TP63: variants seen among roughly 807,000 people sequenced by gnomAD.
TP63 encodes the protein tumor protein p63, also known as tumor protein 63.
Under a neutral mutation model 82.8 loss-of-function variants are expected in TP63, and 17 were observed. The observed-to-expected ratio is 0.21, with a 90% CI of 0.14 to 0.31. The LOEUF is 0.31. TP63 is among the 10% of genes least tolerant of loss of function. The pLI is 1.00. For missense variants in TP63, 648 were observed against 895.3 expected (o/e 0.72, Z 3.52); for synonymous variants, 330 against 321.7 (o/e 1.03, Z -0.28).
intron 3 of TP63, among the ~76,000 whole-genome samples, chr3:189,747,012 A>C (rs1050870234): frequency 2.0e-5 from 3 of 151,824 alleles, no homozygotes; most frequent in Non-Finnish European, 4.4e-5. Flanking sequence ...AACAAAGGTC[A>C]TTATGTAATA....
intron 1 of TP63, among the ~76,000 whole-genome samples, chr3:189,727,388 A>G (rs1192258975): frequency 6.6e-6 from 1 of 152,162 alleles, no homozygotes; most frequent in Admixed American, 6.5e-5. Flanking sequence ...CCTTTCCTCA[A>G]TTTTTAAATC....
intron 3 of TP63, among the ~76,000 whole-genome samples, chr3:189,772,294 T>A (rs1028329921): frequency 1.5e-4 from 23 of 152,214 alleles, no homozygotes; most frequent in African/African-American, 5.1e-4. Flanking sequence ...TCTTTACCAA[T>A]AAGGACACTG....
intron 1 of TP63, among the ~76,000 whole-genome samples, chr3:189,658,295 A>G (rs1401077780): frequency 1.3e-5 from 2 of 152,108 alleles, no homozygotes; most frequent in African/African-American, 4.8e-5. Flanking sequence ...AAATTAATAT[A>G]GGAGAATAGA....
chr3:189,667,586 A>C (rs760618750), intron 1 of TP63, among the ~76,000 whole-genome samples: 1 of 152,070 alleles, frequency 6.6e-6, no homozygotes, highest in African/African-American at 2.4e-5. Context: ...GCTATGGGAT[A>C]ATCTTTACAA....
chr3:189,711,170 C>T (rs781265703), intron 1 of TP63, among the ~76,000 whole-genome samples: 15 of 152,112 alleles, frequency 9.9e-5, no homozygotes, highest in Non-Finnish European at 1.5e-4. Context: ...GAGCCAGGAA[C>T]CATTACTTAA....
intron 4 of TP63, among the ~76,000 whole-genome samples, chr3:189,851,019 T>TAA (rs1377566727): frequency 3.3e-5 from 5 of 152,246 alleles, no homozygotes; most frequent in Non-Finnish European, 7.3e-5. Flanking sequence ...TAAGCTATGT[T>TAA]AAACACTTTA....
At chr3:189,598,906 G>T in the TP63 span, among the ~76,000 whole-genome samples, 1 of 152,214 alleles carries the variant, frequency 6.6e-6, no homozygotes, top group Non-Finnish European at 1.5e-5. Context: ...TTGGAGAATA[G>T]CAAGTGGAAG....
intron 4 of TP63, among the ~76,000 whole-genome samples, chr3:189,847,927 G>C (rs1715098103): frequency 6.6e-6 from 1 of 152,070 alleles, no homozygotes; most frequent in South Asian, 2.1e-4. Context: ...CTTTACACTT[G>C]ATTGTCTAAT....
chr3:189,695,828 T>C (rs1423718885), intron 1 of TP63, among the ~76,000 whole-genome samples: 2 of 152,224 alleles, frequency 1.3e-5, no homozygotes, highest in Admixed American at 1.3e-4. Context: ...AAATGTAGCC[T>C]GTGGAAAATA....
rs758379211 is a variant in TP63 at position 189,894,552 on chromosome 3, A to G, written c.*50A>G. ...TCCCTCTCCTAACTGCCAGCCCCCTAAAAGCACTCCTGCTTAATCTTCAAA... is the reference window on the plus strand; with the variant it reads ...TCCCTCTCCTAACTGCCAGCCCCCTGAAAGCACTCCTGCTTAATCTTCAAA... On this transcript the variant is annotated 3_prime_UTR_variant, in exon 14 of 14. Coordinates refer to ENST00000264731, the MANE Select transcript of TP63 (RefSeq NM_003722.5). 2.5e-5 allele frequency: 40 copies of G among 1,602,778 alleles called. 1 individual carries two copies. The highest frequency in any genetic ancestry group is 5.0e-5 in the Admixed American group (3 of 59,690).
chr3:189,847,128 C>T (rs1373162582), intron 4 of TP63, among the ~76,000 whole-genome samples: 22 of 150,546 alleles, frequency 1.5e-4, no homozygotes, highest in African/African-American at 9.7e-5. Context: ...GAGATTGAGG[C>T]GGGCGGATCA....
intron 1 of TP63, among the ~76,000 whole-genome samples, chr3:189,665,755 C>T (rs1297068655): frequency 6.6e-6 from 1 of 152,028 alleles, no homozygotes; most frequent in East Asian, 1.9e-4. Flanking sequence ...CACCAATTAC[C>T]CATTTTATAG....
chr3:189,807,273 A>G (rs1442975055), intron 3 of TP63, among the ~76,000 whole-genome samples: 1 of 152,272 alleles, frequency 6.6e-6, no homozygotes, highest in Non-Finnish European at 1.5e-5. Context: ...AGTCAGAACC[A>G]GAAGATTCAG....
intron 3 of TP63, among the ~76,000 whole-genome samples, chr3:189,753,918 G>A (rs1721999467): frequency 6.6e-6 from 1 of 151,992 alleles, no homozygotes; most frequent in African/African-American, 2.4e-5. Context: ...CAAATGGAAG[G>A]TAGAAACATT....
At chr3:189,750,653 G>A (rs994219902) in intron 3 of TP63, among the ~76,000 whole-genome samples, 1 of 151,908 alleles carries the variant, frequency 6.6e-6, no homozygotes, top group African/African-American at 2.4e-5. Context: ...ATAAAACGTT[G>A]GACTCTGATA....
intron 1 of TP63, among the ~76,000 whole-genome samples, chr3:189,671,204 T>G (rs1322624906): frequency 6.6e-6 from 1 of 151,788 alleles, no homozygotes; most frequent in African/African-American, 2.4e-5. Flanking sequence ...CCCAAAAATA[T>G]GATTTTAATA....
In TP63 at chr3:189,808,265, C is replaced by A. The variant is rs2108636924; in HGVS notation, c.325-7C>A. 6.2e-7 allele frequency: 1 copy of A among 1,614,184 alleles called. No individual in the cohort carries two copies. Among genetic ancestry groups the A allele is most frequent in the African/African-American group, 1.3e-5 (1 of 75,040 alleles). ...GCTAATATTGGGGTTTCTGGGTGTC[C>A]TTGCAGCCACAGTACACGAACCTGG... is the stretch of plus-strand genomic sequence containing the variant. On this transcript the variant is annotated splice_region_variant and splice_polypyrimidine_tract_variant and intron_variant, in intron 3 of 13. Transcript: ENST00000264731.
rs146612442 is a variant in TP63 at position 189,808,445 on chromosome 3, C to G, written c.498C>G (p.Pro166=). The change falls in exon 4 of 14, where the codon CCC becomes CCG. Residue 166 remains proline, a synonymous_variant. Coordinates refer to ENST00000264731, the MANE Select transcript of TP63 (RefSeq NM_003722.5). The part of the protein sequence containing the change: ...FDALSPSPAI[P]SNTDYPGPHS... Reference sequence around the variant, plus strand: ...CTCTCTCTCCATCACCCGCCATCCCCTCCAACACCGACTACCCAGGCCCGC... The same window carrying G: ...CTCTCTCTCCATCACCCGCCATCCCGTCCAACACCGACTACCCAGGCCCGC... 1.9e-6 allele frequency: 3 copies of G among 1,614,204 alleles called. No homozygotes were observed. The highest frequency in any genetic ancestry group is 1.3e-5 in the African/African-American group (1 of 75,052).
chr3:189,863,953 T>G (rs1717370899), intron 4 of TP63, among the ~76,000 whole-genome samples: 1 of 152,200 alleles, frequency 6.6e-6, no homozygotes. Context: ...AGCCTCAGCT[T>G]CTTCATGCTA....
Sources: allele counts gnomAD v4.1 joint callset (sites outside exome capture counted in the v4.1 genomes callset), GRCh38; gene constraint gnomAD v4.1.1; transcripts MANE v1.5; gene names NCBI Gene and HGNC (gene_info 2026-07-23, HGNC 2026-07-21).